FMNL2: variants seen among roughly 807,000 people sequenced by gnomAD.
The protein encoded by FMNL2 is formin-like protein 2.
A neutral mutation model predicts 130.2 loss-of-function variants in FMNL2; 51 were observed. The observed-to-expected ratio is 0.39, with a 90% CI of 0.31 to 0.49. FMNL2 has a LOEUF of 0.49. FMNL2 is among the 20% of genes least tolerant of loss of function. The pLI is 0.85. For missense variants in FMNL2, 977 were observed against 1,316.2 expected, an observed-to-expected ratio of 0.74 and a Z score of 3.99; for synonymous variants, 465 against 467.1, an observed-to-expected ratio of 1.00 and a Z score of 0.06.
At chr2:152,635,185 T>C (rs910370157) in intron 21 of FMNL2, among the ~76,000 whole-genome samples, 3 of 152,192 alleles carry the variant, frequency 2.0e-5, no homozygotes, top group Non-Finnish European at 4.4e-5. Context: ...TAAAAGACTG[T>C]AGAATGGTTG....
At chr2:152,478,100 T>C (rs6744391) in intron 1 of FMNL2, among the ~76,000 whole-genome samples, 87,089 of 151,522 alleles carry the variant, frequency 0.57, 27,974 homozygotes, top group East Asian at 0.97. Context: ...GTATATAAAA[T>C]AGTTAAAAGC....
At chr2:152,498,685 T>C (rs150469297) in intron 1 of FMNL2, among the ~76,000 whole-genome samples, 1 of 152,338 alleles carries the variant, frequency 6.6e-6, no homozygotes, top group African/African-American at 2.4e-5. Context: ...GACGATAATG[T>C]TTTTGTGTAA....
At chr2:152,575,304 C>T in intron 7 of FMNL2, 60 bp downstream of exon 7, 2 of 1,128,308 alleles carry the variant, frequency 1.8e-6, no homozygotes, top group Non-Finnish European at 2.6e-6. Flanking sequence ...TCAGAAATGA[C>T]TGCTGGGTGC....
chr2:152,553,962 C>G (rs1191391488), intron 4 of FMNL2, among the ~76,000 whole-genome samples: 2 of 152,122 alleles, frequency 1.3e-5, no homozygotes, highest in Non-Finnish European at 2.9e-5. Context: ...CTTATACACA[C>G]TTAGAGATGA....
At chr2:152,364,777 A>G (rs904168579) in intron 1 of FMNL2, among the ~76,000 whole-genome samples, 3 of 152,222 alleles carry the variant, frequency 2.0e-5, no homozygotes, top group Non-Finnish European at 2.9e-5. Flanking sequence ...TAGCTGGACT[A>G]TCTTCTGTAT....
chr2:152,504,258 C>CT (rs527725556), intron 1 of FMNL2, among the ~76,000 whole-genome samples: 10,823 of 145,256 alleles, frequency 0.075, 622 homozygotes, highest in Admixed American at 0.21. Context: ...TGCAGGGAGG[C>CT]TTTTTTTTTT....
intron 1 of FMNL2, among the ~76,000 whole-genome samples, chr2:152,513,382 T>G (rs1395889968): frequency 6.6e-6 from 1 of 152,258 alleles, no homozygotes; most frequent in Admixed American, 6.5e-5. Flanking sequence ...GTCACCATGC[T>G]GTACATTAGA....
At chr2:152,457,186 T>TA (rs369227444) in intron 1 of FMNL2, among the ~76,000 whole-genome samples, 693 of 140,818 alleles carry the variant, frequency 4.9e-3, no homozygotes, top group Non-Finnish European at 5.5e-3. Context: ...AGGGAGATGG[T>TA]AAAAAAAAAA....
At chr2:152,645,689 G>A (rs77876986) in intron 25 of FMNL2, among the ~76,000 whole-genome samples, 2,490 of 152,114 alleles carry the variant, frequency 0.016, 76 homozygotes, top group African/African-American at 0.057. Flanking sequence ...ACTCTTTCTC[G>A]GCCTGCTTTT....
intron 1 of FMNL2, among the ~76,000 whole-genome samples, chr2:152,354,455 G>A (rs1426383081): frequency 1.3e-5 from 2 of 152,144 alleles, no homozygotes; most frequent in African/African-American, 2.4e-5. Flanking sequence ...GATCTAGGAG[G>A]CACAGAAAGA....
At chr2:152,640,124 A>G (rs1682956331) in intron 24 of FMNL2, 68 bp downstream of exon 24, 2 of 1,376,020 alleles carry the variant, frequency 1.5e-6, no homozygotes, top group Admixed American at 2.9e-5. Flanking sequence ...AGAGCAAGCC[A>G]TACAAAGGAC....
chr2:152,556,792 A>G (rs1466741208), intron 4 of FMNL2, among the ~76,000 whole-genome samples: 1 of 152,122 alleles, frequency 6.6e-6, no homozygotes, highest in Non-Finnish European at 1.5e-5. Flanking sequence ...AGAAACGACA[A>G]TGGCTGTTTC....
At chr2:152,602,134 C>G (rs1016379742) in intron 9 of FMNL2, among the ~76,000 whole-genome samples, 4 of 152,166 alleles carry the variant, frequency 2.6e-5, no homozygotes, top group Non-Finnish European at 5.9e-5. Context: ...GCCCTTTACC[C>G]CCATCAGTCT....
At chr2:152,506,923 G>A (rs564506374) in intron 1 of FMNL2, among the ~76,000 whole-genome samples, 33 of 152,298 alleles carry the variant, frequency 2.2e-4, no homozygotes, top group Admixed American at 1.7e-3. Context: ...GCTTTCACAC[G>A]TTGAATTCAG....
chr2:152,479,693 GATGGATTC>G (rs1690368393), intron 1 of FMNL2, among the ~76,000 whole-genome samples: 1 of 147,630 alleles, frequency 6.8e-6, no homozygotes, highest in Admixed American at 6.8e-5. Flanking sequence ...CTGGGAGATT[GATGGATTC>G]ATGGATGTTG....
At chr2:152,506,946 C>T (rs1395846444) in intron 1 of FMNL2, among the ~76,000 whole-genome samples, 3 of 152,242 alleles carry the variant, frequency 2.0e-5, no homozygotes, top group African/African-American at 7.2e-5. Context: ...TGTGCACACA[C>T]TTCCTTTCCT....
At chr2:152,501,569 A>G (rs1001231993) in intron 1 of FMNL2, among the ~76,000 whole-genome samples, 1 of 152,332 alleles carries the variant, frequency 6.6e-6, no homozygotes. Flanking sequence ...CTGGAAAGCA[A>G]AATCCCCCAG....
chr2:152,589,299 A>G (rs1273859257), intron 9 of FMNL2, among the ~76,000 whole-genome samples: 1 of 147,388 alleles, frequency 6.8e-6, no homozygotes, highest in African/African-American at 2.5e-5. Context: ...TAAATGTAGC[A>G]GCCACTTAAA....
intron 8 of FMNL2, 103 bp from the exon 9 acceptor site, chr2:152,580,853 G>T: frequency 9.2e-7 from 1 of 1,082,076 alleles, no homozygotes. Flanking sequence ...TTTTAAAAAT[G>T]TAAGGGCAAA....
Sources: gnomAD v4.1 joint callset for allele counts (sites outside exome capture counted in the v4.1 genomes callset) on GRCh38, gnomAD v4.1.1 for gene constraint, MANE v1.5 for transcripts, NCBI Gene and HGNC (gene_info 2026-07-23, HGNC 2026-07-21) for gene names.